Variants in CDH13 observed in about 807,000 individuals in gnomAD.
The protein encoded by CDH13 is cadherin-13.
A neutral mutation model predicts 63.8 loss-of-function variants in CDH13; 24 were observed. The ratio of observed to expected loss-of-function variants is 0.38; its 90% confidence interval spans 0.27 to 0.53. CDH13 has a LOEUF of 0.53. Ranked by LOEUF, CDH13 falls within the 20% of genes least tolerant of loss-of-function variation. CDH13 has a pLI of 0.85. For missense variants in CDH13, 1,049 were observed against 903.1 expected (o/e 1.16, Z -2.07); for synonymous variants, 503 against 355.3 (o/e 1.42, Z -4.67).
At chr16:83,741,488 G>GTATA (rs59956039) in intron 10 of CDH13, among the ~76,000 whole-genome samples, 53,742 of 144,408 alleles carry the variant, frequency 0.37, 10,081 homozygotes, top group African/African-American at 0.47. Context: ...ATGTGTGTGT[G>GTATA]TATATATATA....
At chr16:83,275,795 C>T (rs115010222) in intron 5 of CDH13, among the ~76,000 whole-genome samples, 1,924 of 152,170 alleles carry the variant, frequency 0.013, 45 homozygotes, top group African/African-American at 0.042. Flanking sequence ...CAAATAAGTT[C>T]CCCGGATGCC....
chr16:83,702,065 A>G (rs1311714487), intron 10 of CDH13, among the ~76,000 whole-genome samples: 5 of 152,202 alleles, frequency 3.3e-5, no homozygotes, highest in Admixed American at 2.6e-4. Flanking sequence ...AAAGAACCCA[A>G]TACATATTAA....
At chr16:83,093,200 C>A (rs1275090738) in intron 3 of CDH13, among the ~76,000 whole-genome samples, 1 of 151,042 alleles carries the variant, frequency 6.6e-6, no homozygotes, top group African/African-American at 2.4e-5. Context: ...CTGTCTTCTC[C>A]AGCCCTTCTT....
intron 1 of CDH13, among the ~76,000 whole-genome samples, chr16:82,690,228 G>A (rs1034835145): frequency 1.3e-5 from 2 of 151,354 alleles, no homozygotes; most frequent in Admixed American, 6.6e-5. Flanking sequence ...TGGGGTTGGT[G>A]GAGGGAAATA....
intron 3 of CDH13, among the ~76,000 whole-genome samples, chr16:83,052,801 A>AAAAAAAAAAGAAAGAAAG (rs1555571697): frequency 8.2e-6 from 1 of 122,658 alleles, no homozygotes; most frequent in African/African-American, 3.3e-5. Flanking sequence ...AAAAAAAAAA[A>AAAAAAAAAAGAAAGAAAG]AAAGAAAGAA....
At chr16:83,668,251 A>G (rs779042799) in intron 8 of CDH13, among the ~76,000 whole-genome samples, 6 of 152,186 alleles carry the variant, frequency 3.9e-5, no homozygotes, top group Non-Finnish European at 7.3e-5. Flanking sequence ...CATTCATTCA[A>G]CAAATATCTA....
At chr16:83,258,751 AC>A (rs1906606769) in intron 5 of CDH13, among the ~76,000 whole-genome samples, 1 of 152,238 alleles carries the variant, frequency 6.6e-6, no homozygotes, top group South Asian at 2.1e-4. Context: ...GTGGTGTCAG[AC>A]ATTCTGCTCT....
chr16:83,165,654 A>G (rs539459509), intron 4 of CDH13, among the ~76,000 whole-genome samples: 1 of 152,220 alleles, frequency 6.6e-6, no homozygotes, highest in South Asian at 2.1e-4. Flanking sequence ...AAGGATAAGA[A>G]GCAAATAACA....
chr16:83,592,264 C>T (rs1360132614), intron 7 of CDH13, among the ~76,000 whole-genome samples: 3 of 152,174 alleles, frequency 2.0e-5, no homozygotes, highest in Non-Finnish European at 4.4e-5. Context: ...CACATTCTGA[C>T]CCCCTTCATG....
intron 10 of CDH13, among the ~76,000 whole-genome samples, chr16:83,702,510 C>T (rs1906396235): frequency 6.6e-6 from 1 of 152,076 alleles, no homozygotes; most frequent in Non-Finnish European, 1.5e-5. Context: ...TGCAGCCAGG[C>T]CCAGAAGTGA....
chr16:83,514,506 A>G (rs775470985), intron 7 of CDH13, among the ~76,000 whole-genome samples: 13 of 152,050 alleles, frequency 8.5e-5, no homozygotes, highest in Admixed American at 5.9e-4. Flanking sequence ...TTAGCCGGGC[A>G]TGGTGGTGCT....
intron 3 of CDH13, among the ~76,000 whole-genome samples, chr16:83,107,730 G>A (rs75541718): frequency 0.064 from 9,471 of 148,392 alleles, 372 homozygotes; most frequent in Non-Finnish European, 0.078. Flanking sequence ...GGAATTTTAG[G>A]TGGGTTTTTT....
chr16:83,020,846 G>A (rs1320099843), intron 2 of CDH13, among the ~76,000 whole-genome samples: 1 of 152,184 alleles, frequency 6.6e-6, no homozygotes, highest in African/African-American at 2.4e-5. Flanking sequence ...AACACAATCA[G>A]GGTCTGAATC....
chr16:83,155,100 T>G (rs2037151917), intron 4 of CDH13, among the ~76,000 whole-genome samples: 1 of 152,238 alleles, frequency 6.6e-6, no homozygotes, highest in Non-Finnish European at 1.5e-5. Context: ...CAAATTTATT[T>G]CATTTACTAT....
At chr16:83,583,380 C>T (rs146258910) in intron 7 of CDH13, among the ~76,000 whole-genome samples, 2 of 152,330 alleles carry the variant, frequency 1.3e-5, no homozygotes, top group East Asian at 3.9e-4. Context: ...AGATAGCACT[C>T]ACTTCACTTT....
intron 1 of CDH13, among the ~76,000 whole-genome samples, chr16:82,676,341 T>C (rs1913895888): frequency 6.6e-6 from 1 of 152,202 alleles, no homozygotes; most frequent in Admixed American, 6.5e-5. Context: ...TACCTCATTC[T>C]GTGGCACCAT....
chr16:83,256,768 C>G (rs547430062), intron 5 of CDH13, among the ~76,000 whole-genome samples: 1 of 149,030 alleles, frequency 6.7e-6, no homozygotes, highest in Non-Finnish European at 1.5e-5. Context: ...TGGCATGAAC[C>G]CAGGAGGCGG....
chr16:82,823,403 G>C (rs1002244856), intron 1 of CDH13: 12 of 37,300 alleles, frequency 3.2e-4, no homozygotes, highest in Non-Finnish European at 5.2e-4. Flanking sequence ...TGAAGAGATA[G>C]GGAAAAAAAG....
intron 10 of CDH13, among the ~76,000 whole-genome samples, chr16:83,718,732 T>C (rs988256607): frequency 1.3e-5 from 2 of 152,200 alleles, no homozygotes; most frequent in African/African-American, 4.8e-5. Flanking sequence ...ACTCTTGTTT[T>C]TTCAGGGTCT....
Sources: allele counts gnomAD v4.1 joint callset (sites outside exome capture counted in the v4.1 genomes callset), GRCh38; gene constraint gnomAD v4.1.1; transcripts MANE v1.5; gene names NCBI Gene and HGNC (gene_info 2026-07-23, HGNC 2026-07-21).